The following CA14 variants were observed in gnomAD, a reference collection of about 807,000 sequenced individuals.
The protein encoded by CA14 is carbonic anhydrase 14.
CA14 carries 44 observed loss-of-function variants against 48.8 expected under a neutral mutation model. That is an observed-to-expected ratio of 0.90 (90% CI 0.71 to 1.16). The LOEUF (loss-of-function observed/expected upper bound fraction) is 1.16, where lower values mean the gene tolerates loss of function less well. CA14 is among the 50% of genes most tolerant of loss of function. The pLI, the probability that CA14 is intolerant of heterozygous loss-of-function variation, is 0.00. For synonymous variants in CA14, 154 were observed against 155.0 expected (o/e 0.99, Z 0.05); for missense variants, 386 against 401.0 (o/e 0.96, Z 0.32).
At position 150,260,276 on chromosome 1, in the gene CA14, A is replaced by G. The variant is rs1553847517; in HGVS notation, c.76+105A>G. The G allele has an allele frequency of 5.5e-6, 6 of 1,086,286 alleles. No individual in the cohort carries two copies. In the East Asian group the frequency reaches 7.2e-5, roughly 13 times the overall value. The allele number at this position is 1,086,286 out of a possible 1,614,324, so 67.3% of individuals were successfully genotyped here. On this transcript the variant is annotated intron_variant, in intron 2 of 10. Coordinates refer to ENST00000369111, the MANE Select transcript of CA14 (RefSeq NM_012113.3). ...GGGAGGAGACTTCCTTTACCTTCTC[A>G]CCCTAGCTCCTCCCTTCTGGATCTC... is the stretch of plus-strand genomic sequence containing the variant.
At chr1:150,258,332 G>A in intron 1 of CA14, 149 bp downstream of exon 1, 2 of 546,774 alleles carry the variant, frequency 3.7e-6, no homozygotes, top group Admixed American at 3.2e-5. Flanking sequence ...GGGTGTGGAG[G>A]AGACCACTTC....
Position 150,263,194 on chromosome 1 carries a change from G to A in CA14, c.715G>A (p.Glu239Lys). The A allele has an allele frequency of 6.2e-7, 1 of 1,614,086 alleles. No homozygotes were observed. Among genetic ancestry groups the A allele is most frequent in the Non-Finnish European group, 8.5e-7 (1 of 1,179,998 alleles). ...TTATAGAAGGTCCCAGATTTCAATG[G>A]AACAGGTAAGTGGTGGAGAAACGAG... ...VFYRRSQISM[E>K]QLEKLQGTLF... The change falls in exon 7 of 11, where the codon GAA becomes AAA. Residue 239 changes from glutamate to lysine, a missense_variant. Transcript: ENST00000369111.
chr1:150,263,277 C>G, intron 7 of CA14, 22 bp from the exon 8 acceptor site: 3 of 1,613,994 alleles, frequency 1.9e-6, no homozygotes, highest in East Asian at 2.2e-5. Context: ...AGTAACACCT[C>G]TCCCACGCTT....
intron 1 of CA14, among the ~76,000 whole-genome samples, chr1:150,258,761 C>G (rs182847688): frequency 3.6e-4 from 55 of 152,296 alleles, no homozygotes; most frequent in African/African-American, 1.3e-3. Flanking sequence ...CAGGAGCTCC[C>G]AGGAGATGAG....
At chr1:150,263,985 G>GA (rs1560028645) in intron 10 of CA14, 107 bp downstream of exon 10, 2 of 807,214 alleles carry the variant, frequency 2.5e-6, no homozygotes, top group Non-Finnish European at 4.0e-6. Flanking sequence ...GTGCAGTGGT[G>GA]TGCAATCTCA....
At chr1:150,263,562 G>C (rs1651290694) in intron 8 of CA14, 97 bp from the exon 9 acceptor site, 5 of 1,611,302 alleles carry the variant, frequency 3.1e-6, no homozygotes, top group Admixed American at 3.3e-5. Flanking sequence ...ACCCCAGGGT[G>C]CCCCCGGGGG....
At chr1:150,259,909 C>T (rs1261915441) in intron 1 of CA14, among the ~76,000 whole-genome samples, 1 of 152,132 alleles carries the variant, frequency 6.6e-6, no homozygotes, top group Admixed American at 6.5e-5. Flanking sequence ...TCTTTTCCTT[C>T]CTCCTCCCCT....
At position 150,258,085 on chromosome 1, in the gene CA14, T is replaced by C. The variant is rs1572057760; in HGVS notation, c.-44T>C. ...TCTCTCTCTGCCTGTCCTAGTCCTC[T>C]AGTCCTCAAATTCCCAGTCCCCTGC... On this transcript the variant is annotated 5_prime_UTR_variant, in exon 1 of 11. Coordinates refer to ENST00000369111, the MANE Select transcript of CA14 (RefSeq NM_012113.3). 1 of 1,523,832 alleles carries C rather than the reference T, an allele frequency of 6.6e-7. No homozygotes were observed. Among genetic ancestry groups the C allele is most frequent in the African/African-American group, 1.4e-5 (1 of 73,220 alleles). The allele number at this position is 1,523,832 out of a possible 1,614,324, so 94.4% of individuals were successfully genotyped here. A position where few individuals can be genotyped will look rare whatever the true frequency, so the allele number is the denominator to read the frequency against.
rs1553849024 is a variant in CA14, at chr1:150,264,649, C to A, written c.1004C>A (p.Thr335Asn). ...GTCTTCACCTCAGCACAAGCCACGACTGAGGCATAAATTCCTTCTCAGATA... is the reference window on the plus strand; with the variant it reads ...GTCTTCACCTCAGCACAAGCCACGAATGAGGCATAAATTCCTTCTCAGATA... ...SVVFTSAQATTEA is the reference protein window; with the variant it reads ...SVVFTSAQATNEA The change falls in exon 11 of 11, where the codon ACT (threonine) becomes AAT (asparagine). Residue 335 changes from threonine (T) to asparagine (N), a missense_variant. Physicochemically the swap from Thr to Asn is moderately conservative, Grantham distance 65 (BLOSUM62 0). Transcript: ENST00000369111. The A allele has an allele frequency of 6.2e-7, 1 of 1,612,684 alleles. No homozygotes were observed. Among genetic ancestry groups the A allele is most frequent in the Non-Finnish European group, 8.5e-7 (1 of 1,179,292 alleles).
chr1:150,260,751 G>GATGTTT (rs1168655049), intron 2 of CA14: 1 of 104,848 alleles, frequency 9.5e-6, no homozygotes, highest in Non-Finnish European at 1.8e-5. Context: ...ATCTCTCTAG[G>GATGTTT]TTATTTTTTT....
Position 150,263,692 on chromosome 1 carries a change from TATAAG to T in CA14, c.862+18_862+22del. 2 of 1,614,012 alleles carry T rather than the reference TATAAG, an allele frequency of 1.2e-6. No homozygotes were observed. Among genetic ancestry groups the T allele is most frequent in the Non-Finnish European group, 8.5e-7 (1 of 1,179,944 alleles). ...TCGTATACCACAGGTAAGCCAGCCT[TATAAG>T]ATAATGCGGGGAGGGGAGGTGTCCT... On this transcript the variant is annotated intron_variant, in intron 9 of 10. Coordinates refer to ENST00000369111, the MANE Select transcript of CA14 (RefSeq NM_012113.3).
At position 150,264,725 on chromosome 1, in the gene CA14, G is replaced by A. The variant is rs782289686; in HGVS notation, c.*66G>A. On this transcript the variant is annotated 3_prime_UTR_variant, in exon 11 of 11. Coordinates refer to ENST00000369111, the MANE Select transcript of CA14 (RefSeq NM_012113.3). Reference sequence around the variant, plus strand: ...ATGCCTATCAGGAAGCCTCTAAAATGGGGTGTAGGATCTGGCCAGAAACAC... The same window carrying A: ...ATGCCTATCAGGAAGCCTCTAAAATAGGGTGTAGGATCTGGCCAGAAACAC... The A allele has an allele frequency of 7.8e-7, 1 of 1,284,006 alleles. No homozygotes were observed. Among genetic ancestry groups the A allele is most frequent in the East Asian group, 2.3e-5 (1 of 42,932 alleles). The allele number at this position is 1,284,006 out of a possible 1,614,324, so 79.5% of individuals were successfully genotyped here.
chr1:150,257,916 G>A lies in CA14; in HGVS notation c.-213G>A, dbSNP rs1367798635. On this transcript the variant is annotated 5_prime_UTR_variant, in exon 1 of 11. Transcript: ENST00000369111. ...AAGAGGCAGCAAGAGATTTGTCCTG[G>A]GGATCCAGAAACCCATGATACCCTA... The A allele has an allele frequency of 2.6e-6, 1 of 385,890 alleles. No individual in the cohort carries two copies. Among genetic ancestry groups the A allele is most frequent in the African/African-American group, 2.1e-5 (1 of 48,234 alleles). 23.9% of individuals were successfully genotyped at this position (385,890 alleles called of 1,614,324 possible). A position where few individuals can be genotyped will look rare whatever the true frequency, so the allele number is the denominator to read the frequency against.
Position 150,262,480 on chromosome 1 carries a change from G to A in CA14, c.400-45G>A, listed in dbSNP as rs199756121. 3.3e-6 allele frequency: 5 copies of A among 1,536,882 alleles called. No homozygotes were observed. In the Admixed American group the frequency reaches 6.7e-5, roughly 21 times the overall value. ...GGCAGCTAGGATCAAGGCCTTGAAGGGGGTGCAGACATTCCATGATTCAAT... is the reference window on the plus strand; with the variant it reads ...GGCAGCTAGGATCAAGGCCTTGAAGAGGGTGCAGACATTCCATGATTCAAT... On this transcript the variant is annotated intron_variant, in intron 4 of 10. Transcript: ENST00000369111.
rs587752323 is a variant in CA14, at chr1:150,260,012, G to A, written c.56-139G>A. Reference sequence around the variant, plus strand: ...GGTGTCCGGTTTCAGGGCTTCCTTTGCAAAGTGCTGGAGCAGAGGGAGGAG... The same window carrying A: ...GGTGTCCGGTTTCAGGGCTTCCTTTACAAAGTGCTGGAGCAGAGGGAGGAG... On this transcript the variant is annotated intron_variant, in intron 1 of 10. Coordinates refer to ENST00000369111, the MANE Select transcript of CA14 (RefSeq NM_012113.3). 20 of 811,222 alleles carry A rather than the reference G, an allele frequency of 2.5e-5. No homozygotes were observed. In the African/African-American group the frequency reaches 3.4e-4, roughly 14 times the overall value. The allele number at this position is 811,222 out of a possible 1,614,324, so 50.3% of individuals were successfully genotyped here. A position where few individuals can be genotyped will look rare whatever the true frequency, so the allele number is the denominator to read the frequency against.
intron 1 of CA14, 143 bp downstream of exon 1, chr1:150,258,326 G>T: frequency 1.8e-6 from 1 of 568,248 alleles, no homozygotes. Context: ...AGAGTGGGGT[G>T]TGGAGGAGAC....
chr1:150,260,013 C>A, intron 1 of CA14, 138 bp from the exon 2 acceptor site: 1 of 820,444 alleles, frequency 1.2e-6, no homozygotes, highest in Non-Finnish European at 2.0e-6. Flanking sequence ...GCTTCCTTTG[C>A]AAAGTGCTGG....
chr1:150,263,562 GC>G, intron 8 of CA14, 96 bp from the exon 9 acceptor site: 1 of 1,611,300 alleles, frequency 6.2e-7, no homozygotes, highest in Non-Finnish European at 8.5e-7. Flanking sequence ...ACCCCAGGGT[GC>G]CCCCGGGGGA....
intron 6 of CA14, 24 bp downstream of exon 6, chr1:150,262,894 G>C: frequency 6.3e-7 from 1 of 1,597,674 alleles, no homozygotes; most frequent in African/African-American, 1.3e-5. Flanking sequence ...ATCTATAGCA[G>C]GAAGTAAGAT....
Sources: gnomAD v4.1 joint callset for allele counts (sites outside exome capture counted in the v4.1 genomes callset) on GRCh38, gnomAD v4.1.1 for gene constraint, MANE v1.5 for transcripts, NCBI Gene and HGNC (gene_info 2026-07-23, HGNC 2026-07-21) for gene names.